The following PCDHA2 variants were observed in gnomAD, a reference collection of about 807,000 sequenced individuals.
The protein encoded by PCDHA2 is protocadherin alpha-2.
Under a neutral mutation model 66.0 loss-of-function variants are expected in PCDHA2, and 58 were observed. That is an observed-to-expected ratio of 0.88 (90% CI 0.71 to 1.09). The LOEUF is 1.09. Among genes scored for constraint, PCDHA2 ranks in the 50% least tolerant of loss-of-function variants. PCDHA2 has a pLI of 0.00. For missense variants in PCDHA2, 1,267 were observed against 1,242.3 expected (o/e 1.02, Z -0.30); for synonymous variants, 634 against 554.0 (o/e 1.14, Z -2.03).
chr5:140,982,120 T>C (rs1554243763), intron 2 of PCDHA2, among the ~76,000 whole-genome samples: 1 of 152,256 alleles, frequency 6.6e-6, no homozygotes, highest in Non-Finnish European at 1.5e-5. Context: ...CTTGGAACTT[T>C]TGAGAACAAG....
At chr5:140,814,317 A>C (rs1554126480) in intron 1 of PCDHA2, 1 of 152,002 alleles carries the variant, frequency 6.6e-6, no homozygotes, top group Non-Finnish European at 1.5e-5. Context: ...TTCCACCTCC[A>C]TATCTTGTCC....
intron 1 of PCDHA2, among the ~76,000 whole-genome samples, chr5:140,887,189 C>T (rs1268664594): frequency 6.6e-6 from 1 of 151,836 alleles, no homozygotes; most frequent in Non-Finnish European, 1.5e-5. Context: ...CTCCACCTCC[C>T]GGGTTCACGC....
At chr5:140,800,183 T>C (rs1554121092) in intron 1 of PCDHA2, among the ~76,000 whole-genome samples, 1 of 152,036 alleles carries the variant, frequency 6.6e-6, no homozygotes, top group East Asian at 1.9e-4. Context: ...TGTGGAAAAA[T>C]TAAACCTAAT....
rs2150158198 is a variant in PCDHA2 at position 140,828,717 on chromosome 5, A to C, written c.2388+31365A>C. On this transcript the variant is annotated intron_variant, in intron 1 of 3. Coordinates refer to ENST00000526136, the MANE Select transcript of PCDHA2 (RefSeq NM_018905.3). The stretch of plus-strand genomic sequence containing the variant: ...GACAGAGAGGAAGCTCCTGCACACA[A>C]CTTATTCCTGACAGCCACAGATGGG... 5.6e-6 allele frequency: 9 copies of C among 1,614,108 alleles called. No homozygotes were observed. In the South Asian group the frequency reaches 7.7e-5, roughly 14 times the overall value.
intron 1 of PCDHA2, among the ~76,000 whole-genome samples, chr5:140,904,681 A>G (rs1562946233): frequency 6.6e-6 from 1 of 152,192 alleles, no homozygotes; most frequent in South Asian, 2.1e-4. Context: ...CATTCCCACC[A>G]GCAGTGTAAA....
At chr5:140,816,705 A>G (rs1369370145) in intron 1 of PCDHA2, 1 of 152,194 alleles carries the variant, frequency 6.6e-6, no homozygotes. Flanking sequence ...CAGGCTGGCT[A>G]GAGATTCTAG....
chr5:140,796,580 A>T lies in PCDHA2; in HGVS notation c.1616A>T (p.Asp539Val), dbSNP rs1323573570. Reference sequence around the variant, plus strand: ...CTGCAGTTCCAGGTGAGCGCGCGGGATGCGGGCGTGCCGCCTCTGGGCAGC... The same window carrying T: ...CTGCAGTTCCAGGTGAGCGCGCGGGTTGCGGGCGTGCCGCCTCTGGGCAGC... ...ELLQFQVSAR[D>V]AGVPPLGSNV... The change falls in exon 1 of 4, where the codon GAT (aspartate) becomes GTT (valine). Residue 539 changes from aspartate (D) to valine (V), a missense_variant. Asp to Val is a radical substitution (Grantham distance 152). Coordinates refer to ENST00000526136, the MANE Select transcript of PCDHA2 (RefSeq NM_018905.3). 6.2e-7 allele frequency: 1 copy of T among 1,613,244 alleles called. No individual in the cohort carries two copies. The highest frequency in any genetic ancestry group is 8.5e-7 in the Non-Finnish European group (1 of 1,179,852).
chr5:140,829,050 T>C (rs1554131730), intron 1 of PCDHA2: 3 of 1,613,108 alleles, frequency 1.9e-6, no homozygotes, highest in African/African-American at 2.7e-5. Context: ...AAAATCCTCA[T>C]TGACGCCACG....
At chr5:141,008,809 C>T (rs1397377778) in intron 3 of PCDHA2, among the ~76,000 whole-genome samples, 2 of 152,160 alleles carry the variant, frequency 1.3e-5, no homozygotes, top group African/African-American at 4.8e-5. Flanking sequence ...CAAATAGGCT[C>T]AATTTACAAC....
rs1554139478 is a variant in PCDHA2 at position 140,842,864 on chromosome 5, G to A, written c.2388+45512G>A. The stretch of plus-strand genomic sequence containing the variant: ...CTACATTTCGGTGCACACGGAGAGC[G>A]GCAAGGTGTACGCGCTGCAGCCGCT... On this transcript the variant is annotated intron_variant, in intron 1 of 3. Transcript: ENST00000526136. 2.5e-6 allele frequency: 4 copies of A among 1,594,034 alleles called. 1 individual carries two copies. Among genetic ancestry groups the A allele is most frequent in the Middle Eastern group, 2.1e-4 (1 of 4,754 alleles).
chr5:141,010,455 T>G lies in PCDHA2; in HGVS notation c.*518T>G. The stretch of plus-strand genomic sequence containing the variant: ...AACAAAGACAAATAAACAGCGGAAG[T>G]TATCAGTATGGAGGGGAAGTGTAAA... On this transcript the variant is annotated 3_prime_UTR_variant, in exon 4 of 4. Transcript: ENST00000526136. 1 of 883,470 alleles carries G rather than the reference T, an allele frequency of 1.1e-6. No homozygotes were observed. Among genetic ancestry groups the G allele is most frequent in the South Asian group, 1.9e-5 (1 of 53,228 alleles). 54.7% of individuals were successfully genotyped at this position (883,470 alleles called of 1,614,324 possible). A position where few individuals can be genotyped will look rare whatever the true frequency, so the allele number is the denominator to read the frequency against.
At chr5:140,836,651 G>C in intron 1 of PCDHA2, 2 of 1,613,546 alleles carry the variant, frequency 1.2e-6, no homozygotes, top group Non-Finnish European at 1.7e-6. Context: ...AGAGGCGGCA[G>C]AGGGTGTGCT....
intron 1 of PCDHA2, chr5:140,830,271 C>A (rs2150183888): frequency 2.5e-6 from 4 of 1,613,702 alleles, no homozygotes; most frequent in East Asian, 2.2e-5. Flanking sequence ...TCGGCGCCAC[C>A]CACCGAGGGC....
At chr5:140,873,417 AATT>A (rs1443232738) in intron 1 of PCDHA2, among the ~76,000 whole-genome samples, 1 of 152,164 alleles carries the variant, frequency 6.6e-6, no homozygotes. Flanking sequence ...AAATTTTGTA[AATT>A]ATTATTTTAT....
chr5:140,906,615 T>C (rs2072789527), intron 1 of PCDHA2, among the ~76,000 whole-genome samples: 1 of 152,226 alleles, frequency 6.6e-6, no homozygotes, highest in Admixed American at 6.5e-5. Context: ...TGTATTCCCT[T>C]TGCCTTCAGC....
At chr5:140,830,057 G>A (rs2150180399) in intron 1 of PCDHA2, 3 of 1,613,632 alleles carry the variant, frequency 1.9e-6, no homozygotes, top group Non-Finnish European at 2.5e-6. Flanking sequence ...AGACCACGGT[G>A]AGCCGGCGCT....
chr5:140,944,697 T>C (rs1227405627), intron 1 of PCDHA2, among the ~76,000 whole-genome samples: 1 of 152,198 alleles, frequency 6.6e-6, no homozygotes, highest in Non-Finnish European at 1.5e-5. Context: ...ATAACAGTAA[T>C]TATCAGGTTA....
At chr5:140,875,735 C>T in intron 1 of PCDHA2, 1 of 1,614,232 alleles carries the variant, frequency 6.2e-7, no homozygotes. Context: ...TTTGTGAATT[C>T]TCGGATCGAC....
At chr5:140,925,932 A>G (rs1202634955) in intron 1 of PCDHA2, among the ~76,000 whole-genome samples, 1 of 150,196 alleles carries the variant, frequency 6.7e-6, no homozygotes, top group African/African-American at 2.5e-5. Flanking sequence ...TCCCAAGTAG[A>G]GCCTCTTGGA....
Sources: gnomAD v4.1 joint callset for allele counts (sites outside exome capture counted in the v4.1 genomes callset) on GRCh38, gnomAD v4.1.1 for gene constraint, MANE v1.5 for transcripts, NCBI Gene and HGNC (gene_info 2026-07-23, HGNC 2026-07-21) for gene names.